Variants in ZNF391 observed in about 807,000 individuals in gnomAD.
ZNF391 encodes the protein zinc finger protein 391.
For missense variants in ZNF391, 375 were observed against 425.5 expected (o/e 0.88, Z 1.04); for synonymous variants, 126 against 142.1 (o/e 0.89, Z 0.80).
intron 1 of ZNF391, among the ~76,000 whole-genome samples, chr6:27,396,287 GA>G (rs1460674585): frequency 1.3e-5 from 2 of 152,188 alleles, no homozygotes; most frequent in East Asian, 1.9e-4. Flanking sequence ...ATGACTGGAT[GA>G]AATAGATGCT....
At chr6:27,395,279 G>C (rs10080567) in intron 1 of ZNF391, among the ~76,000 whole-genome samples, 108,217 of 151,896 alleles carry the variant, frequency 0.71, 38,751 homozygotes, top group Middle Eastern at 0.82. Flanking sequence ...GTGATTGGAT[G>C]GTGGAGGTAG....
intron 1 of ZNF391, among the ~76,000 whole-genome samples, chr6:27,395,411 C>A (rs1009880398): frequency 1.3e-5 from 2 of 152,110 alleles, no homozygotes; most frequent in Non-Finnish European, 2.9e-5. Flanking sequence ...TATGCCTGCT[C>A]CCCTTTCACC....
rs1218763494 is a variant in ZNF391 at position 27,402,041 on chromosome 6, C to A, written c.*594C>A. The A allele has an allele frequency of 6.6e-6, 1 of 152,180 alleles. No homozygotes were observed. Among genetic ancestry groups the A allele is most frequent in the African/African-American group, 2.4e-5 (1 of 41,458 alleles). 9.4% of individuals were successfully genotyped at this position (152,180 alleles called of 1,614,324 possible). A position where few individuals can be genotyped will look rare whatever the true frequency, so the allele number is the denominator to read the frequency against. ...TCTTGACTTGCAAAAACAGATTTTT[C>A]TCATCTTCCTCCTTCTCTCACCTTT... On this transcript the variant is annotated 3_prime_UTR_variant, in exon 3 of 3. Coordinates refer to ENST00000244576, the MANE Select transcript of ZNF391 (RefSeq NM_001076781.3).
rs1479122980 is a variant in ZNF391 at position 27,401,607 on chromosome 6, C to T, written c.*160C>T. On this transcript the variant is annotated 3_prime_UTR_variant, in exon 3 of 3. Transcript: ENST00000244576. ...CATTCGTTCTTTCCATCCATCTATC[C>T]TTCTTTCGTCTCCCCTCCCTTCTTC... 2.2e-5 allele frequency: 11 copies of T among 501,582 alleles called. No homozygotes were observed. In the South Asian group the frequency reaches 3.8e-4, roughly 17 times the overall value. The allele number at this position is 501,582 out of a possible 1,614,324, so 31.1% of individuals were successfully genotyped here. A position where few individuals can be genotyped will look rare whatever the true frequency, so the allele number is the denominator to read the frequency against.
intron 1 of ZNF391, among the ~76,000 whole-genome samples, chr6:27,397,557 A>G (rs1301334553): frequency 6.6e-6 from 1 of 152,248 alleles, no homozygotes; most frequent in Non-Finnish European, 1.5e-5. Context: ...TCTGAGCTAC[A>G]AGAATGGAAG....
At chr6:27,391,291 G>A (rs1020241645) in intron 1 of ZNF391, among the ~76,000 whole-genome samples, 6 of 137,718 alleles carry the variant, frequency 4.4e-5, no homozygotes, top group Admixed American at 8.4e-5. Context: ...TGCAACCTCC[G>A]CCTGCTGGGT....
At chr6:27,390,063 CAG>C (rs990274004) in intron 1 of ZNF391, among the ~76,000 whole-genome samples, 54 of 152,220 alleles carry the variant, frequency 3.5e-4, no homozygotes, top group African/African-American at 3.4e-4. Context: ...GCTGCCCAGG[CAG>C]TTCTGCTGAT....
chr6:27,384,186 G>C (rs150647095), upstream of ZNF391, among the ~76,000 whole-genome samples: 72 of 152,240 alleles, frequency 4.7e-4, no homozygotes, highest in African/African-American at 1.7e-3. Flanking sequence ...AACATGGGCT[G>C]GGTGTGGTGG....
intron 1 of ZNF391, among the ~76,000 whole-genome samples, chr6:27,378,082 A>G (rs1761444276): frequency 6.6e-6 from 1 of 152,234 alleles, no homozygotes; most frequent in Non-Finnish European, 1.5e-5. Flanking sequence ...AAGAAATAAT[A>G]TTGAATGGTC....
chr6:27,387,138 CAAT>C (rs1410916999), upstream of ZNF391, among the ~76,000 whole-genome samples: 2 of 152,126 alleles, frequency 1.3e-5, no homozygotes, highest in Non-Finnish European at 2.9e-5. Flanking sequence ...ATTAAAGCCA[CAAT>C]GAGATAAAGC....
At chr6:27,381,349 G>A (rs1309731818) in intron 1 of ZNF391, among the ~76,000 whole-genome samples, 2 of 152,174 alleles carry the variant, frequency 1.3e-5, no homozygotes, top group East Asian at 3.9e-4. Flanking sequence ...CAGGTGCTCC[G>A]AGTGCGGGGC....
chr6:27,388,979 C>A lies in ZNF391; in HGVS notation c.-284C>A, dbSNP rs1467689932. 2.2e-6 allele frequency: 1 copy of A among 456,486 alleles called. No individual in the cohort carries two copies. Among genetic ancestry groups the A allele is most frequent in the Admixed American group, 2.4e-5 (1 of 42,488 alleles). The allele number at this position is 456,486 out of a possible 1,614,324, so 28.3% of individuals were successfully genotyped here. ...CCGACTTCCCCAAGCCCAGCGCACT[C>A]AGGTTCCGCTCCAAGTGCGGGACCC... On this transcript the variant is annotated 5_prime_UTR_variant, in exon 1 of 3. An upstream open reading frame in the 5' UTR gains an earlier in-frame stop. Transcript: ENST00000244576.
Position 27,401,425 on chromosome 6 carries a change from A to T in ZNF391, c.1055A>T (p.Gln352Leu). The T allele has an allele frequency of 6.2e-7, 1 of 1,609,334 alleles. No individual in the cohort carries two copies. The highest frequency in any genetic ancestry group is 8.5e-7 in the Non-Finnish European group (1 of 1,179,324). ...FCQSSTLIRH[Q>L]HLHTKE is the part of the protein sequence containing the mutation. Reference sequence around the variant, plus strand: ...CAGAGTTCAACTCTGATCAGACATCAGCACCTTCATACTAAAGAGTAATAT... The same window carrying T: ...CAGAGTTCAACTCTGATCAGACATCTGCACCTTCATACTAAAGAGTAATAT... The change falls in exon 3 of 3, where the codon CAG becomes CTG. Residue 352 changes from glutamine (Q) to leucine (L), a missense_variant. By Grantham distance (113) the Gln-to-Leu change is moderately radical. Coordinates refer to ENST00000244576, the MANE Select transcript of ZNF391 (RefSeq NM_001076781.3).
chr6:27,400,246 T>C (rs1226677878), intron 2 of ZNF391, 47 bp from the exon 3 acceptor site: 2 of 749,636 alleles, frequency 2.7e-6, no homozygotes, highest in Non-Finnish European at 4.2e-6. Context: ...TTTTCTTTGC[T>C]CTCCATAGTA....
upstream of ZNF391, among the ~76,000 whole-genome samples, chr6:27,386,520 G>A (rs1412767220): frequency 2.0e-5 from 3 of 152,104 alleles, no homozygotes; most frequent in Admixed American, 2.0e-4. Context: ...CAAGCCTACA[G>A]TAACCTAAAG....
At chr6:27,381,229 GC>G (rs1761498197) in intron 1 of ZNF391, among the ~76,000 whole-genome samples, 1 of 152,248 alleles carries the variant, frequency 6.6e-6, no homozygotes, top group African/African-American at 2.4e-5. Flanking sequence ...GGCAGCTAAG[GC>G]CCGGCGAGAA....
intron 1 of ZNF391, among the ~76,000 whole-genome samples, chr6:27,380,629 T>G (rs1761485071): frequency 6.6e-6 from 1 of 152,200 alleles, no homozygotes; most frequent in Admixed American, 6.5e-5. Context: ...TCCTGCTGAT[T>G]GGTAGAGCCA....
In ZNF391 at chr6:27,389,159, C is replaced by T. The variant is rs574623512; in HGVS notation, c.-188+84C>T. ...GAAAGGGTCGCGTGTGGTTTGGCTGCAGGTCGGGTCAGGAGGCACCTCCAC... is the reference window on the plus strand; with the variant it reads ...GAAAGGGTCGCGTGTGGTTTGGCTGTAGGTCGGGTCAGGAGGCACCTCCAC... On this transcript the variant is annotated intron_variant, in intron 1 of 2. Coordinates refer to ENST00000244576, the MANE Select transcript of ZNF391 (RefSeq NM_001076781.3). 48 of 456,640 alleles carry T rather than the reference C, an allele frequency of 1.1e-4. 1 individual carries two copies. The highest frequency in any genetic ancestry group is 6.8e-4 in the South Asian group (44 of 64,562). The allele number at this position is 456,640 out of a possible 1,614,324, so 28.3% of individuals were successfully genotyped here. A position where few individuals can be genotyped will look rare whatever the true frequency, so the allele number is the denominator to read the frequency against.
At chr6:27,379,969 CAG>C (rs1761472693) in intron 1 of ZNF391, among the ~76,000 whole-genome samples, 1 of 152,180 alleles carries the variant, frequency 6.6e-6, no homozygotes, top group Non-Finnish European at 1.5e-5. Flanking sequence ...GTTCCCAATC[CAG>C]AGATATAGTC....
Sources: gnomAD v4.1 joint callset for allele counts (sites outside exome capture counted in the v4.1 genomes callset) on GRCh38, gnomAD v4.1.1 for gene constraint, MANE v1.5 for transcripts, NCBI Gene and HGNC (gene_info 2026-07-23, HGNC 2026-07-21) for gene names.